IL1RAPL2: variants seen among roughly 807,000 people sequenced by gnomAD.
IL1RAPL2 encodes the protein X-linked interleukin-1 receptor accessory protein-like 2.
Under a neutral mutation model 44.1 loss-of-function variants are expected in IL1RAPL2, and 3 were observed. That is an observed-to-expected ratio of 0.07 (90% CI 0.03 to 0.18). The LOEUF (loss-of-function observed/expected upper bound fraction) is 0.18, where lower values mean the gene tolerates loss of function less well. Among genes scored for constraint, IL1RAPL2 ranks in the 10% least tolerant of loss-of-function variants. The pLI, the probability that IL1RAPL2 is intolerant of heterozygous loss-of-function variation, is 1.00. For missense variants in IL1RAPL2, 391 were observed against 496.4 expected, an observed-to-expected ratio of 0.79 and a Z score of 2.02; for synonymous variants, 181 against 178.8, an observed-to-expected ratio of 1.01 and a Z score of -0.10.
chrX:105,076,703 C>G (rs6616562), intron 2 of IL1RAPL2, among the ~76,000 whole-genome samples: 1 of 111,396 alleles, frequency 9.0e-6, no homozygotes, highest in South Asian at 3.8e-4. Context: ...TCACTAAGGA[C>G]TTGCTTTATG....
chrX:104,701,413 C>T (rs1355531375), intron 2 of IL1RAPL2, among the ~76,000 whole-genome samples: 1 of 110,995 alleles, frequency 9.0e-6, no homozygotes, highest in Non-Finnish European at 1.9e-5. Flanking sequence ...AGTACTTCAC[C>T]CCCATAGTTC....
intron 5 of IL1RAPL2, among the ~76,000 whole-genome samples, chrX:105,285,321 A>G (rs780867079): frequency 1.8e-5 from 2 of 112,033 alleles, no homozygotes; most frequent in African/African-American, 3.2e-5. Context: ...TACTTGAGAA[A>G]TAGCCAATGT....
At chrX:105,169,568 G>A (rs181958357) in intron 2 of IL1RAPL2, among the ~76,000 whole-genome samples, 3 of 93,421 alleles carry the variant, frequency 3.2e-5, no homozygotes, top group Admixed American at 1.2e-4. Flanking sequence ...GCAGTGGTGC[G>A]GTCTTGGCTC....
intron 2 of IL1RAPL2, among the ~76,000 whole-genome samples, chrX:105,149,075 A>G (rs1433112111): frequency 8.9e-6 from 1 of 112,214 alleles, no homozygotes; most frequent in Admixed American, 9.4e-5. Context: ...AGGTCACCAG[A>G]TGCACATGTT....
chrX:104,783,780 A>G (rs939250836), intron 2 of IL1RAPL2, among the ~76,000 whole-genome samples: 1 of 107,944 alleles, frequency 9.3e-6, no homozygotes, highest in Non-Finnish European at 1.9e-5. Flanking sequence ...TACACATTCT[A>G]TTATACTTCT....
rs1214449945 is a variant in IL1RAPL2 at position 105,479,685 on chromosome X, G to A, written c.698-4628G>A. Among the ~76,000 whole-genome samples, 3 of 109,946 alleles carry A rather than the reference G, an allele frequency of 2.7e-5. No homozygotes were observed. The East Asian group carries it at 8.5e-4, about 31-fold the overall frequency. On this transcript the variant is annotated intron_variant, in intron 5 of 10. Transcript: ENST00000372582. ...ACCCAGGAGGCGGAGATTAAGGTGAGCTGAGATTCTGCCATTGCACTCCAG... is the reference window on the plus strand; with the variant it reads ...ACCCAGGAGGCGGAGATTAAGGTGAACTGAGATTCTGCCATTGCACTCCAG...
At chrX:105,496,347 G>A (rs1344499250) in intron 6 of IL1RAPL2, among the ~76,000 whole-genome samples, 1 of 112,278 alleles carries the variant, frequency 8.9e-6, no homozygotes, top group Non-Finnish European at 1.9e-5. Flanking sequence ...ATTTGGCTCA[G>A]AATAAATCTC....
chrX:104,720,466 C>T (rs1931656796), intron 2 of IL1RAPL2, among the ~76,000 whole-genome samples: 1 of 111,523 alleles, frequency 9.0e-6, no homozygotes, highest in African/African-American at 3.2e-5. Flanking sequence ...TATTTTAGCT[C>T]AAAACAATTT....
intron 2 of IL1RAPL2, among the ~76,000 whole-genome samples, chrX:105,153,959 C>G (rs1235966636): frequency 1.8e-5 from 2 of 111,476 alleles, no homozygotes; most frequent in Non-Finnish European, 3.8e-5. Flanking sequence ...GATTCTTTCT[C>G]TACAGAATGC....
At chrX:104,712,949 G>T (rs780287263) in intron 2 of IL1RAPL2, among the ~76,000 whole-genome samples, 1 of 110,707 alleles carries the variant, frequency 9.0e-6, no homozygotes, top group South Asian at 3.8e-4. Flanking sequence ...TTTTCAGATT[G>T]ATAATAAAAA....
intron 2 of IL1RAPL2, among the ~76,000 whole-genome samples, chrX:104,670,865 T>C (rs935613335): frequency 9.0e-6 from 1 of 111,691 alleles, no homozygotes; most frequent in Non-Finnish European, 1.9e-5. Flanking sequence ...TTGTTTTTAG[T>C]TATAGATGTA....
rs1602630770 is a variant in IL1RAPL2 at position 104,584,672 on chromosome X, T to C, written c.-20+17621T>C. 2.7e-5 allele frequency among the ~76,000 whole-genome samples: 3 copies of C among 111,355 alleles called. No homozygotes were observed. In the Admixed American group the frequency reaches 2.9e-4, roughly 11 times the overall value. Reference sequence around the variant, plus strand: ...TTTTTGGTGAACCCATGAAGCTATGTAGTGACATTTCCTATCCAAGGTCCT... The same window carrying C: ...TTTTTGGTGAACCCATGAAGCTATGCAGTGACATTTCCTATCCAAGGTCCT... On this transcript the variant is annotated intron_variant, in intron 1 of 10. Transcript: ENST00000372582.
rs73245712 is a variant in IL1RAPL2, at chrX:104,838,247, T to G, written c.82+179252T>G. Among the ~76,000 whole-genome samples the G allele has an allele frequency of 6.7e-3, 752 of 112,120 alleles. 4 individuals carry two copies. Among genetic ancestry groups the G allele is most frequent in the Middle Eastern group, 0.018 (4 of 217 alleles). On this transcript the variant is annotated intron_variant, in intron 2 of 10. Transcript: ENST00000372582. Reference sequence around the variant, plus strand: ...TTCCATATTAAATTTAAAGTAGTTTTTCTTATTCTGAGAAGAAAGTCAGTG... The same window carrying G: ...TTCCATATTAAATTTAAAGTAGTTTGTCTTATTCTGAGAAGAAAGTCAGTG...
chrX:105,586,364 G>T (rs971145852), intron 6 of IL1RAPL2, among the ~76,000 whole-genome samples: 1 of 111,927 alleles, frequency 8.9e-6, no homozygotes, highest in Non-Finnish European at 1.9e-5. Context: ...TGCTGGGGAG[G>T]TTACAGAGAA....
At chrX:105,323,714 A>G (rs2034913608) in intron 5 of IL1RAPL2, among the ~76,000 whole-genome samples, 2 of 111,241 alleles carry the variant, frequency 1.8e-5, no homozygotes, top group African/African-American at 6.5e-5. Context: ...TGTCTCTACT[A>G]AAAATACAAA....
chrX:105,588,446 T>C (rs1365649246), intron 6 of IL1RAPL2, among the ~76,000 whole-genome samples: 1 of 111,844 alleles, frequency 8.9e-6, no homozygotes. Flanking sequence ...TCCAGGCAAA[T>C]TGCACATCAC....
chrX:105,666,082 G>GTT (rs11296820), intron 6 of IL1RAPL2, among the ~76,000 whole-genome samples: 6 of 98,669 alleles, frequency 6.1e-5, no homozygotes, highest in South Asian at 4.6e-4. Flanking sequence ...TTAAAAATGG[G>GTT]TTTTTTTTTT....
At chrX:105,651,085 T>G (rs1400072383) in intron 6 of IL1RAPL2, among the ~76,000 whole-genome samples, 1 of 111,874 alleles carries the variant, frequency 8.9e-6, no homozygotes, top group Non-Finnish European at 1.9e-5. Flanking sequence ...GTGTGACTAT[T>G]TGGCATGAAA....
rs140356634 is a variant in IL1RAPL2 at position 105,169,383 on chromosome X, C to T, written c.83-26092C>T. Reference sequence around the variant, plus strand: ...GTTTTGTCATTTCTAGAGTACAAGACACTCTAATTCAGTGAAAAAAAAAAA... The same window carrying T: ...GTTTTGTCATTTCTAGAGTACAAGATACTCTAATTCAGTGAAAAAAAAAAA... On this transcript the variant is annotated intron_variant, in intron 2 of 10. Transcript: ENST00000372582. Among the ~76,000 whole-genome samples, 974 of 102,630 alleles carry T rather than the reference C, an allele frequency of 9.5e-3. 13 individuals are homozygous for T. Among genetic ancestry groups the T allele is most frequent in the African/African-American group, 0.033 (922 of 28,208 alleles). 89.1% of individuals were successfully genotyped at this position (102,630 alleles called of 115,157 possible).
Sources: gnomAD v4.1 joint callset for allele counts (sites outside exome capture counted in the v4.1 genomes callset) on GRCh38, gnomAD v4.1.1 for gene constraint, MANE v1.5 for transcripts, NCBI Gene and HGNC (gene_info 2026-07-23, HGNC 2026-07-21) for gene names.